The following ZC3H3 variants were observed in gnomAD, a reference collection of about 807,000 sequenced individuals.
ZC3H3 encodes zinc finger CCCH domain-containing protein 3.
ZC3H3 carries 36 observed loss-of-function variants against 77.3 expected under a neutral mutation model. That is an observed-to-expected ratio of 0.47 (90% CI 0.36 to 0.61). The LOEUF is 0.61. Among genes scored for constraint, ZC3H3 ranks in the 20% least tolerant of loss-of-function variants. ZC3H3 has a pLI of 0.00. For missense variants in ZC3H3, 1,331 were observed against 1,312.2 expected, an observed-to-expected ratio of 1.01 and a Z score of -0.22; for synonymous variants, 626 against 555.2, an observed-to-expected ratio of 1.13 and a Z score of -1.79.
In ZC3H3 at chr8:143,494,871, G is replaced by C. The variant is rs1373836547; in HGVS notation, c.1715+12875C>G. On this transcript the variant is annotated intron_variant, in intron 4 of 11. Transcript: ENST00000262577. This position sits in a 1 kb window ranked among gnomAD's most constrained non-coding sequence, Gnocchi z 5.3. The stretch of plus-strand genomic sequence containing the variant: ...GACCTTTCACACGGGAAGACCACCA[G>C]TGGCCTTACGTTAGCCCGAGCAGGT... 1.3e-5 allele frequency among the ~76,000 whole-genome samples: 2 copies of C among 152,236 alleles called. No homozygotes were observed. The highest frequency in any genetic ancestry group is 2.9e-5 in the Non-Finnish European group (2 of 68,050).
intron 4 of ZC3H3, among the ~76,000 whole-genome samples, chr8:143,491,152 A>T (rs1295678709): frequency 6.6e-6 from 1 of 152,108 alleles, no homozygotes; most frequent in Non-Finnish European, 1.5e-5. Flanking sequence ...ATGGGGCAGG[A>T]GGGCCCAGGC....
intron 3 of ZC3H3, among the ~76,000 whole-genome samples, chr8:143,534,304 A>C (rs1822719978): frequency 6.7e-6 from 1 of 148,934 alleles, no homozygotes; most frequent in Non-Finnish European, 1.5e-5. Flanking sequence ...AAACGACGAG[A>C]TCAATTACGC....
intron 4 of ZC3H3, among the ~76,000 whole-genome samples, chr8:143,483,721 C>T (rs1820971797): frequency 6.6e-6 from 1 of 152,218 alleles, no homozygotes; most frequent in Non-Finnish European, 1.5e-5. Flanking sequence ...ATGGCCACCT[C>T]ATCTCACAGA....
chr8:143,490,649 TC>T (rs1160923900), intron 4 of ZC3H3, among the ~76,000 whole-genome samples: 7 of 152,226 alleles, frequency 4.6e-5, no homozygotes, highest in Non-Finnish European at 8.8e-5. Context: ...GTGCAGTGGC[TC>T]ATGCCTGTAA....
chr8:143,479,162 G>A (rs1350746604), intron 4 of ZC3H3, among the ~76,000 whole-genome samples: 2 of 152,218 alleles, frequency 1.3e-5, no homozygotes, highest in East Asian at 1.9e-4. Flanking sequence ...AGGTTGGCGG[G>A]GGTGACGGAG....
intron 9 of ZC3H3, among the ~76,000 whole-genome samples, chr8:143,450,578 G>A (rs1358027608): frequency 6.6e-6 from 1 of 152,166 alleles, no homozygotes; most frequent in Non-Finnish European, 1.5e-5. Context: ...GAGGCCTCAG[G>A]GAGCTTCCAA....
At chr8:143,506,548 C>T (rs1453249817) in intron 4 of ZC3H3, among the ~76,000 whole-genome samples, 2 of 151,974 alleles carry the variant, frequency 1.3e-5, no homozygotes, top group African/African-American at 4.8e-5. Context: ...TTAACCTTAT[C>T]GAGAGAATAA....
At chr8:143,470,112 C>T (rs547148298) in intron 5 of ZC3H3, among the ~76,000 whole-genome samples, 5 of 152,346 alleles carry the variant, frequency 3.3e-5, no homozygotes, top group African/African-American at 7.2e-5. Flanking sequence ...CTCCCTCGCA[C>T]CCCCAGGCTG....
chr8:143,525,343 G>T (rs1248599998), intron 3 of ZC3H3, among the ~76,000 whole-genome samples: 7 of 152,278 alleles, frequency 4.6e-5, no homozygotes, highest in African/African-American at 1.7e-4. Flanking sequence ...GGGGTGGCAG[G>T]TGGTGCAGGC....
At chr8:143,515,023 G>A (rs372547557) in intron 3 of ZC3H3, among the ~76,000 whole-genome samples, 9 of 152,220 alleles carry the variant, frequency 5.9e-5, no homozygotes, top group Non-Finnish European at 1.2e-4. Context: ...CACCCCTCCC[G>A]TGAATGCTGG....
intron 4 of ZC3H3, among the ~76,000 whole-genome samples, chr8:143,479,351 G>A (rs768711386): frequency 8.5e-5 from 13 of 152,138 alleles, no homozygotes; most frequent in East Asian, 1.9e-4. Context: ...CTTTGGAAAC[G>A]AACTGCATTG....
chr8:143,495,142 C>T (rs933561896), intron 4 of ZC3H3, among the ~76,000 whole-genome samples: 4 of 152,186 alleles, frequency 2.6e-5, no homozygotes, highest in African/African-American at 9.7e-5. Flanking sequence ...ACTCAGCAGG[C>T]TCTACTCACA....
chr8:143,438,417 G>A (rs912518239), intron 11 of ZC3H3, among the ~76,000 whole-genome samples: 2 of 152,228 alleles, frequency 1.3e-5, no homozygotes, highest in Non-Finnish European at 2.9e-5. Context: ...AAGGTCTGCA[G>A]GGTGGGCCAT....
At chr8:143,500,977 CTT>C (rs36081285) in intron 4 of ZC3H3, among the ~76,000 whole-genome samples, 157 of 134,056 alleles carry the variant, frequency 1.2e-3, no homozygotes, top group Admixed American at 1.2e-3. Flanking sequence ...CATGCCCGAC[CTT>C]TTTTTTTTTT....
intron 4 of ZC3H3, among the ~76,000 whole-genome samples, chr8:143,503,029 T>C (rs1821572208): frequency 6.6e-6 from 1 of 152,232 alleles, no homozygotes; most frequent in Non-Finnish European, 1.5e-5. Context: ...AGCCCCGTCC[T>C]GTGTATTTGG....
rs568853087 is a variant in ZC3H3, at chr8:143,537,389, C to T, written c.1364+614G>A. ...AAAGCCAGGAATGCCTAAGGAGGCT[C>T]CCGCCTACCAGCAGCCCCCGGCCCC... On this transcript the variant is annotated intron_variant, in intron 2 of 11. Coordinates refer to ENST00000262577, the MANE Select transcript of ZC3H3 (RefSeq NM_015117.3). 7.2e-5 allele frequency among the ~76,000 whole-genome samples: 11 copies of T among 152,328 alleles called. No individual in the cohort carries two copies. In the East Asian group the frequency reaches 2.1e-3, roughly 29 times the overall value.
intron 4 of ZC3H3, among the ~76,000 whole-genome samples, chr8:143,491,168 G>A (rs1821191281): frequency 6.6e-6 from 1 of 152,148 alleles, no homozygotes; most frequent in Admixed American, 6.5e-5. Flanking sequence ...CAGGCACAGG[G>A]GGCTCCGCCC....
chr8:143,485,445 C>T (rs1421184236), intron 4 of ZC3H3, among the ~76,000 whole-genome samples: 1 of 152,172 alleles, frequency 6.6e-6, no homozygotes, highest in Non-Finnish European at 1.5e-5. Flanking sequence ...GACGCAGGCG[C>T]CCCTGCACCT....
At chr8:143,497,762 C>T (rs1821394818) in intron 4 of ZC3H3, among the ~76,000 whole-genome samples, 1 of 152,226 alleles carries the variant, frequency 6.6e-6, no homozygotes, top group African/African-American at 2.4e-5. Context: ...CTGGTACGGC[C>T]AAGTCCAGGT....
Sources: allele counts gnomAD v4.1 joint callset (sites outside exome capture counted in the v4.1 genomes callset), GRCh38; gene constraint gnomAD v4.1.1; non-coding constraint Gnocchi (gnomAD v3.1); transcripts MANE v1.5; gene names NCBI Gene and HGNC (gene_info 2026-07-23, HGNC 2026-07-21).